Variants in COX7B2 observed in about 807,000 individuals in gnomAD.
The protein encoded by COX7B2 is cytochrome c oxidase subunit 7B2, mitochondrial.
For missense variants in COX7B2, 109 were observed against 95.9 expected, an observed-to-expected ratio of 1.14 and a Z score of -0.57; for synonymous variants, 37 against 32.1, an observed-to-expected ratio of 1.15 and a Z score of -0.51.
chr4:46,812,339 G>A (rs544271952), intron 2 of COX7B2, among the ~76,000 whole-genome samples: 1 of 150,408 alleles, frequency 6.6e-6, no homozygotes, highest in African/African-American at 2.5e-5. Context: ...TTCTGACCCT[G>A]GGAGGCACCA....
At chr4:46,865,529 G>A (rs1717616685) in intron 1 of COX7B2, among the ~76,000 whole-genome samples, 1 of 152,130 alleles carries the variant, frequency 6.6e-6, no homozygotes, top group African/African-American at 2.4e-5. Context: ...GTAAGAATAG[G>A]AGTATCAATT....
intron 2 of COX7B2, among the ~76,000 whole-genome samples, chr4:46,792,348 T>C (rs747429530): frequency 2.6e-5 from 4 of 152,202 alleles, no homozygotes; most frequent in Non-Finnish European, 4.4e-5. Context: ...TGGGTTTGTT[T>C]ATGAGGGCAT....
At chr4:46,788,037 T>C (rs901596043) in intron 2 of COX7B2, among the ~76,000 whole-genome samples, 5 of 152,100 alleles carry the variant, frequency 3.3e-5, no homozygotes, top group African/African-American at 1.2e-4. Flanking sequence ...GACGAAGGCT[T>C]TCAACAAACT....
At chr4:46,795,015 T>A (rs1337349589) in intron 2 of COX7B2, among the ~76,000 whole-genome samples, 4,500 of 151,206 alleles carry the variant, frequency 0.03, 262 homozygotes, top group African/African-American at 0.094. Context: ...AAGTGTCTGT[T>A]CATGTCCTTC....
intron 1 of COX7B2, among the ~76,000 whole-genome samples, chr4:46,858,828 G>A (rs1717167134): frequency 6.6e-6 from 1 of 152,118 alleles, no homozygotes; most frequent in African/African-American, 2.4e-5. Flanking sequence ...GGAAATAAAA[G>A]GTAACCAGTT....
chr4:46,780,172 T>A (rs114726151), intron 2 of COX7B2, among the ~76,000 whole-genome samples: 1,678 of 152,234 alleles, frequency 0.011, 20 homozygotes, highest in Middle Eastern at 0.041. Context: ...ATATGGTAGA[T>A]CCAGTAATCA....
intron 1 of COX7B2, among the ~76,000 whole-genome samples, chr4:46,889,865 TG>T (rs1719322922): frequency 1.3e-5 from 2 of 151,856 alleles, no homozygotes; most frequent in Non-Finnish European, 1.5e-5. Flanking sequence ...TCCAAGGAGT[TG>T]AATTTTTGAG....
intron 1 of COX7B2, among the ~76,000 whole-genome samples, chr4:46,862,565 G>A (rs114595521): frequency 0.014 from 2,181 of 152,188 alleles, 47 homozygotes; most frequent in African/African-American, 0.05. Context: ...ATAAAACTGG[G>A]TTTAAAATTA....
At chr4:46,738,037 A>T (rs538537020) in intron 2 of COX7B2, among the ~76,000 whole-genome samples, 33 of 152,122 alleles carry the variant, frequency 2.2e-4, no homozygotes, top group Admixed American at 6.6e-5. Context: ...TTTTCATTTG[A>T]ATTGAATTCA....
intron 2 of COX7B2, among the ~76,000 whole-genome samples, chr4:46,814,712 G>A (rs200656829): frequency 4.6e-5 from 7 of 152,054 alleles, no homozygotes; most frequent in Non-Finnish European, 7.4e-5. Context: ...CACTTTTTAC[G>A]TCAATGTATC....
At chr4:46,800,555 A>G (rs1229270326) in intron 2 of COX7B2, among the ~76,000 whole-genome samples, 1 of 152,206 alleles carries the variant, frequency 6.6e-6, no homozygotes, top group Non-Finnish European at 1.5e-5. Flanking sequence ...AGCCATATGC[A>G]GAAGATTGAA....
chr4:46,788,817 A>C (rs1257946587), intron 2 of COX7B2, among the ~76,000 whole-genome samples: 2 of 152,222 alleles, frequency 1.3e-5, no homozygotes, highest in Non-Finnish European at 2.9e-5. Flanking sequence ...GATTTCATCT[A>C]TCTTTTGATG....
chr4:46,788,176 A>G (rs1474714475), intron 2 of COX7B2, among the ~76,000 whole-genome samples: 4 of 152,218 alleles, frequency 2.6e-5, no homozygotes, highest in African/African-American at 9.6e-5. Flanking sequence ...AAGAAGCTCC[A>G]TATTGCATGG....
chr4:46,788,405 G>A (rs889387427), intron 2 of COX7B2, among the ~76,000 whole-genome samples: 2 of 152,092 alleles, frequency 1.3e-5, no homozygotes, highest in African/African-American at 2.4e-5. Context: ...TTCTTGAAAA[G>A]CCTTATCTTG....
chr4:46,905,200 C>T (rs898019809), intron 1 of COX7B2, among the ~76,000 whole-genome samples: 2 of 151,696 alleles, frequency 1.3e-5, no homozygotes, highest in African/African-American at 4.8e-5. Flanking sequence ...AACCTGTAGG[C>T]ATGGGTAAAT....
rs537727967 is a variant in COX7B2 at position 46,886,311 on chromosome 4, T to G, written c.-105+22849A>C. ...AAACTTTTGAGTACATGTGATATTT[T>G]CATACATATATACAATGTGTAATGA... On this transcript the variant is annotated intron_variant, in intron 1 of 2. Coordinates refer to ENST00000355591, the MANE Select transcript of COX7B2 (RefSeq NM_130902.3). 2.6e-4 allele frequency among the ~76,000 whole-genome samples: 40 copies of G among 152,328 alleles called. No homozygotes were observed. The South Asian group carries it at 6.0e-3, about 23-fold the overall frequency.
chr4:46,882,914 A>G (rs984310115), intron 1 of COX7B2, among the ~76,000 whole-genome samples: 2 of 152,204 alleles, frequency 1.3e-5, no homozygotes, highest in African/African-American at 4.8e-5. Context: ...ACACTATTCC[A>G]TATTACTTGT....
intron 1 of COX7B2, among the ~76,000 whole-genome samples, chr4:46,902,494 G>A (rs1392623975): frequency 1.3e-5 from 2 of 152,100 alleles, no homozygotes; most frequent in African/African-American, 4.8e-5. Context: ...TTCAGAGAAG[G>A]GAATCAGCAA....
chr4:46,790,547 T>G (rs139232769), intron 2 of COX7B2, among the ~76,000 whole-genome samples: 23 of 152,346 alleles, frequency 1.5e-4, no homozygotes, highest in African/African-American at 4.6e-4. Flanking sequence ...CCCAATTTAG[T>G]ACTCTTTCAC....
Sources: allele counts gnomAD v4.1 joint callset (sites outside exome capture counted in the v4.1 genomes callset), GRCh38; gene constraint gnomAD v4.1.1; transcripts MANE v1.5; gene names NCBI Gene and HGNC (gene_info 2026-07-23, HGNC 2026-07-21).